Variants in CDC25C observed in about 807,000 individuals in gnomAD.
The protein encoded by CDC25C is cell division cycle 25C, also known as M-phase inducer phosphatase 3.
CDC25C carries 48 observed loss-of-function variants against 52.5 expected under a neutral mutation model. The ratio of observed to expected loss-of-function variants is 0.91; its 90% CI spans 0.72 to 1.16. CDC25C has a LOEUF of 1.16. CDC25C is among the 50% of genes most tolerant of loss of function. The pLI, the probability that CDC25C is intolerant of heterozygous loss-of-function variation, is 0.00. For synonymous variants in CDC25C, 187 were observed against 206.5 expected (o/e 0.91, Z 0.81); for missense variants, 510 against 566.1 (o/e 0.90, Z 1.01).
chr5:138,294,499 ATTTTTTTTT>A (rs762737768), intron 7 of CDC25C, among the ~76,000 whole-genome samples: 1 of 95,986 alleles, frequency 1.0e-5, no homozygotes, highest in African/African-American at 4.3e-5. Context: ...CACTCAGCTA[ATTTTTTTTT>A]TTTTTTTTTT....
chr5:138,292,008 T>C lies in CDC25C; in HGVS notation c.724A>G (p.Lys242Glu), dbSNP rs556465778. The C allele has an allele frequency of 6.2e-7, 1 of 1,610,458 alleles. No homozygotes were observed. The highest frequency in any genetic ancestry group is 8.5e-7 in the Non-Finnish European group (1 of 1,178,136). ...FKDNTIPDKV[K>E]KKYFSGQGKL... is the part of the protein sequence containing the mutation. Reference sequence around the variant, plus strand: ...CCTTGGCCAGAAAAATACTTTTTTTTAACTTTATCTGGTATTGTGTTGTCC... The same window carrying C: ...CCTTGGCCAGAAAAATACTTTTTTTCAACTTTATCTGGTATTGTGTTGTCC... Residue 242 changes from lysine (K) to glutamate (E), a missense_variant, in exon 8 of 14, where the codon AAA (lysine) becomes GAA (glutamate). Lys to Glu is a moderately conservative substitution (Grantham distance 56). Coordinates refer to ENST00000323760, the MANE Select transcript of CDC25C (RefSeq NM_001790.5).
chr5:138,326,674 C>T (rs565487959), intron 4 of CDC25C, among the ~76,000 whole-genome samples: 5 of 152,062 alleles, frequency 3.3e-5, no homozygotes, highest in African/African-American at 4.8e-5. Flanking sequence ...TAATTTCTGG[C>T]GGGGCGCTGT....
intron 7 of CDC25C, among the ~76,000 whole-genome samples, chr5:138,293,647 ATCT>A (rs1182627419): frequency 6.6e-6 from 1 of 150,450 alleles, no homozygotes; most frequent in African/African-American, 2.4e-5. Flanking sequence ...ATTGAAACTT[ATCT>A]TTTTTTTTTT....
chr5:138,331,875 G>C (rs1215714233), upstream of CDC25C: 2 of 985,576 alleles, frequency 2.0e-6, no homozygotes, highest in Non-Finnish European at 2.4e-6. Flanking sequence ...TCGCCTCTAA[G>C]CTGCGTCAGC....
chr5:138,303,102 CCTG>C (rs1757757721), intron 7 of CDC25C, among the ~76,000 whole-genome samples: 1 of 152,010 alleles, frequency 6.6e-6, no homozygotes, highest in Non-Finnish European at 1.5e-5. Context: ...AAAACCTGTT[CCTG>C]CTAAAATCTC....
chr5:138,287,994 T>C (rs4835675), intron 10 of CDC25C, among the ~76,000 whole-genome samples: 39,120 of 152,176 alleles, frequency 0.26, 6,175 homozygotes, highest in South Asian at 0.42. Context: ...ATTAAAATGA[T>C]AATATAGATA....
intron 7 of CDC25C, among the ~76,000 whole-genome samples, chr5:138,292,649 T>C (rs1195767771): frequency 1.3e-5 from 2 of 151,862 alleles, no homozygotes; most frequent in African/African-American, 4.8e-5. Context: ...TCAAATAGCA[T>C]GCTGACCATT....
chr5:138,292,480 C>CA (rs70982703), intron 7 of CDC25C, among the ~76,000 whole-genome samples: 23,049 of 61,848 alleles, frequency 0.37, 2,815 homozygotes, highest in South Asian at 0.53. Context: ...GTTATGTGAC[C>CA]AAAAAAAAAA....
chr5:138,331,170 T>G lies in CDC25C; in HGVS notation c.11A>C (p.Glu4Ala). The change falls in exon 2 of 14, where the codon GAA (glutamate) becomes GCA (alanine). Residue 4 changes from glutamate to alanine, a missense_variant. Physicochemically the swap from Glu to Ala is moderately radical, Grantham distance 107 (BLOSUM62 -1). Transcript: ENST00000323760. MST[E>A]LFSSTREEGS... is the part of the protein sequence containing the mutation. ...TTCCTCTCTTGTGGATGAGAAGAGT[T>G]CCGTAGACATGGTCTTCGAATTCTC... The G allele has an allele frequency of 6.2e-7, 1 of 1,614,100 alleles. No homozygotes were observed. Among genetic ancestry groups the G allele is most frequent in the Non-Finnish European group, 8.5e-7 (1 of 1,179,976 alleles).
At chr5:138,297,189 G>A (rs1234275903) in intron 7 of CDC25C, among the ~76,000 whole-genome samples, 1 of 152,086 alleles carries the variant, frequency 6.6e-6, no homozygotes, top group East Asian at 1.9e-4. Context: ...GGGATTACAG[G>A]CGTGAGCCAC....
chr5:138,329,552 C>A lies in CDC25C; in HGVS notation c.289+1G>T. ...GAGGCCTTTATCTCCCTTCTCCCTA[C>A]CAGTTTCATCAAGGTCTGCAGAAGT... On this transcript the variant is annotated splice_donor_variant, in intron 3 of 13. Coordinates refer to ENST00000323760, the MANE Select transcript of CDC25C (RefSeq NM_001790.5). LOFTEE classifies it high-confidence loss of function. 6.3e-7 allele frequency: 1 copy of A among 1,584,600 alleles called. No individual in the cohort carries two copies. The highest frequency in any genetic ancestry group is 8.7e-7 in the Non-Finnish European group (1 of 1,153,714).
Position 138,331,662 on chromosome 5 carries a change from A to C in CDC25C, c.-106T>G. On this transcript the variant is annotated 5_prime_UTR_variant, in exon 1 of 14. Coordinates refer to ENST00000323760, the MANE Select transcript of CDC25C (RefSeq NM_001790.5). ...GTAGATAGGGATCGGACACAGGCGA[A>C]GACTTGAGCAGAATGAAAGGAAATC... 1 of 995,772 alleles carries C rather than the reference A, an allele frequency of 1.0e-6. No homozygotes were observed. The highest frequency in any genetic ancestry group is 1.2e-6 in the Non-Finnish European group (1 of 835,364). 61.7% of individuals were successfully genotyped at this position (995,772 alleles called of 1,614,324 possible). A position where few individuals can be genotyped will look rare whatever the true frequency, so the allele number is the denominator to read the frequency against.
Position 138,285,446 on chromosome 5 carries a change from T to C in CDC25C, c.*246A>G. 1 of 476,738 alleles carries C rather than the reference T, an allele frequency of 2.1e-6. No homozygotes were observed. The highest frequency in any genetic ancestry group is 3.0e-5 in the South Asian group (1 of 33,430). The allele number at this position is 476,738 out of a possible 1,614,324, so 29.5% of individuals were successfully genotyped here. On this transcript the variant is annotated 3_prime_UTR_variant, in exon 14 of 14. Coordinates refer to ENST00000323760, the MANE Select transcript of CDC25C (RefSeq NM_001790.5). ...TGGGAAAAGGAATGCCAGAGTTCCC[T>C]GAACCAATACAAATCTCTATGCAAC...
intron 4 of CDC25C, 84 bp downstream of exon 4, chr5:138,328,400 C>T (rs1760065490): frequency 7.8e-7 from 1 of 1,280,840 alleles, no homozygotes; most frequent in Non-Finnish European, 1.1e-6. Context: ...AGGTTTTGTA[C>T]TCTGCAGAGT....
At chr5:138,289,048 T>C (rs1254994901) in intron 10 of CDC25C, among the ~76,000 whole-genome samples, 3 of 152,170 alleles carry the variant, frequency 2.0e-5, no homozygotes, top group Middle Eastern at 3.2e-3. Context: ...CACTGCAACC[T>C]CCCCAACTGG....
chr5:138,318,714 T>TA (rs772073053), intron 7 of CDC25C, among the ~76,000 whole-genome samples: 4 of 150,774 alleles, frequency 2.7e-5, no homozygotes, highest in Non-Finnish European at 4.4e-5. Context: ...GAATCTGTCT[T>TA]AAAAAAAACA....
intron 7 of CDC25C, among the ~76,000 whole-genome samples, chr5:138,308,600 C>G (rs1758211416): frequency 6.6e-6 from 1 of 152,112 alleles, no homozygotes; most frequent in Non-Finnish European, 1.5e-5. Context: ...TATAGATCTA[C>G]TGCCCATTAT....
At chr5:138,324,263 T>A (rs1759677991) in intron 6 of CDC25C, among the ~76,000 whole-genome samples, 2 of 151,740 alleles carry the variant, frequency 1.3e-5, no homozygotes, top group South Asian at 4.2e-4. Flanking sequence ...AGAGTGAGAC[T>A]CTGTCTCAAA....
At position 138,331,730 on chromosome 5, in the gene CDC25C, C is replaced by G. The variant is rs1760400617; in HGVS notation, c.-174G>C. On this transcript the variant is annotated 5_prime_UTR_variant, in exon 1 of 14. Coordinates refer to ENST00000323760, the MANE Select transcript of CDC25C (RefSeq NM_001790.5). ...TTAACTAGATTGCAGCTCTGCCTTC[C>G]GACTGGGTAGGCCAACGTCGGACTC... 2 of 989,280 alleles carry G rather than the reference C, an allele frequency of 2.0e-6. No individual in the cohort carries two copies. The highest frequency in any genetic ancestry group is 1.2e-4 in the Admixed American group (2 of 17,102). 61.3% of individuals were successfully genotyped at this position (989,280 alleles called of 1,614,324 possible). A position where few individuals can be genotyped will look rare whatever the true frequency, so the allele number is the denominator to read the frequency against.
Sources: gnomAD v4.1 joint callset for allele counts (sites outside exome capture counted in the v4.1 genomes callset) on GRCh38, gnomAD v4.1.1 for gene constraint, MANE v1.5 for transcripts, NCBI Gene and HGNC (gene_info 2026-07-23, HGNC 2026-07-21) for gene names.